SLCO1B3: variants seen among roughly 807,000 people sequenced by gnomAD.
SLCO1B3 encodes liver-specific organic anion transporter 2.
A neutral mutation model predicts 71.8 loss-of-function variants in SLCO1B3; 72 were observed. That is an observed-to-expected ratio of 1.00 (90% CI 0.83 to 1.22). SLCO1B3 has a LOEUF of 1.22. SLCO1B3 is among the 50% of genes most tolerant of loss of function. The pLI is 0.00. For synonymous variants in SLCO1B3, 298 were observed against 278.4 expected (o/e 1.07, Z -0.70); for missense variants, 911 against 819.7 (o/e 1.11, Z -1.36).
chr12:20,899,735 C>CAA (rs1231371448), intron 14 of SLCO1B3, among the ~76,000 whole-genome samples: 2 of 152,094 alleles, frequency 1.3e-5, no homozygotes, highest in Non-Finnish European at 2.9e-5. Flanking sequence ...GTTAGGACTC[C>CAA]TTCTGATATG....
chr12:20,912,969 G>A (rs1340218089), intron 15 of SLCO1B3, among the ~76,000 whole-genome samples: 2 of 152,062 alleles, frequency 1.3e-5, no homozygotes, highest in East Asian at 1.9e-4. Flanking sequence ...GAGCCACCAC[G>A]CCTGGCCTTA....
At chr12:20,835,586 C>T (rs1234404534) in intron 3 of SLCO1B3, among the ~76,000 whole-genome samples, 1 of 152,170 alleles carries the variant, frequency 6.6e-6, no homozygotes, top group African/African-American at 2.4e-5. Flanking sequence ...ATCACATTTG[C>T]TCTAGTTCCC....
intron 15 of SLCO1B3, among the ~76,000 whole-genome samples, chr12:20,915,723 A>T (rs369093842): frequency 6.6e-6 from 1 of 152,298 alleles, no homozygotes; most frequent in African/African-American, 2.4e-5. Context: ...CTCCTTAGGT[A>T]GAATGAGATG....
chr12:20,895,777 T>A (rs1246952930), intron 13 of SLCO1B3, among the ~76,000 whole-genome samples: 2 of 152,198 alleles, frequency 1.3e-5, no homozygotes, highest in African/African-American at 4.8e-5. Context: ...GTGTGATGGC[T>A]TTGACCTGAC....
chr12:20,861,493 A>G (rs911869206), intron 6 of SLCO1B3, among the ~76,000 whole-genome samples: 1 of 152,200 alleles, frequency 6.6e-6, no homozygotes, highest in South Asian at 2.1e-4. Flanking sequence ...CTCCTAGTGT[A>G]CAAATGGATT....
intron 3 of SLCO1B3, among the ~76,000 whole-genome samples, chr12:20,842,622 C>G (rs536980954): frequency 6.6e-6 from 1 of 152,144 alleles, no homozygotes; most frequent in African/African-American, 2.4e-5. Flanking sequence ...TGAAAAATCT[C>G]TGCCTTTAAA....
chr12:20,881,109 A>C (rs1349980870), intron 12 of SLCO1B3, 89 bp downstream of exon 12: 2 of 927,334 alleles, frequency 2.2e-6, no homozygotes, highest in Non-Finnish European at 3.2e-6. Flanking sequence ...CCTATAACTA[A>C]GGTCTCCAAT....
rs180930149 is a variant in SLCO1B3 at position 20,902,301 on chromosome 12, C to T, written c.1865+834C>T. ...TTCCCACTAGTAGTGTATAAGCGTT[C>T]CCTTTTCTCCACTATGTCTTCAGTA... On this transcript the variant is annotated intron_variant, in intron 15 of 15. Coordinates refer to ENST00000381545, the MANE Select transcript of SLCO1B3 (RefSeq NM_019844.4). The T allele has an allele frequency of 2.4e-3, 362 of 153,600 alleles. 17 individuals are homozygous for T. The highest frequency in any genetic ancestry group is 2.8e-3 in the Non-Finnish European group (191 of 69,072). 9.5% of individuals were successfully genotyped at this position (153,600 alleles called of 1,614,324 possible).
At chr12:20,835,347 T>G (rs1864656881) in intron 3 of SLCO1B3, among the ~76,000 whole-genome samples, 1 of 152,198 alleles carries the variant, frequency 6.6e-6, no homozygotes, top group Admixed American at 6.5e-5. Context: ...CTTACTCAAA[T>G]TTCTGCTGCC....
chr12:20,879,722 A>T, intron 11 of SLCO1B3, 91 bp downstream of exon 11: 2 of 827,768 alleles, frequency 2.4e-6, no homozygotes, highest in East Asian at 6.0e-5. Context: ...AAACAATTGT[A>T]ATTAAACTTT....
At chr12:20,879,675 CA>C in intron 11 of SLCO1B3, 44 bp downstream of exon 11, 1 of 1,255,752 alleles carries the variant, frequency 8.0e-7, no homozygotes, top group Non-Finnish European at 1.1e-6. Context: ...TGTTAACCAT[CA>C]AATTAAAAGA....
In SLCO1B3 at chr12:20,839,198, T is replaced by C. The variant is rs772061117; in HGVS notation, c.85-15830T>C. 7.0e-4 allele frequency among the ~76,000 whole-genome samples: 107 copies of C among 151,800 alleles called. 2 individuals carry two copies. The highest frequency in any genetic ancestry group is 1.5e-4 in the Non-Finnish European group (10 of 67,914). ...ATTATTTTGAATAACTGTTATTTCT[T>C]AGATCAATTAAGAATTAAAAAAAAC... On this transcript the variant is annotated intron_variant, in intron 3 of 15. Transcript: ENST00000381545.
intron 8 of SLCO1B3, 66 bp downstream of exon 8, chr12:20,862,920 G>A: frequency 2.4e-6 from 2 of 828,504 alleles, no homozygotes; most frequent in Non-Finnish European, 3.9e-6. Context: ...TTCTTCCAAA[G>A]AATTAAATTC....
intron 13 of SLCO1B3, among the ~76,000 whole-genome samples, chr12:20,885,029 C>G (rs1865766761): frequency 2.6e-5 from 4 of 152,076 alleles, no homozygotes; most frequent in African/African-American, 4.8e-5. Flanking sequence ...GTTTGCCTCT[C>G]AACATGTTTT....
At chr12:20,866,781 C>G (rs768251132) in intron 8 of SLCO1B3, among the ~76,000 whole-genome samples, 1 of 151,960 alleles carries the variant, frequency 6.6e-6, no homozygotes, top group African/African-American at 2.4e-5. Flanking sequence ...TAAGTGAGTA[C>G]CAGTATTTAA....
chr12:20,819,516 G>A (rs1864252888), intron 3 of SLCO1B3, among the ~76,000 whole-genome samples: 1 of 152,106 alleles, frequency 6.6e-6, no homozygotes, highest in African/African-American at 2.4e-5. Context: ...ACAGAATAAT[G>A]GATTGTGGAG....
At chr12:20,907,009 C>T (rs1162284777) in intron 15 of SLCO1B3, among the ~76,000 whole-genome samples, 1 of 151,868 alleles carries the variant, frequency 6.6e-6, no homozygotes, top group Non-Finnish European at 1.5e-5. Flanking sequence ...AATGAATATT[C>T]TGAGTTCTTA....
In SLCO1B3 at chr12:20,821,836, G is replaced by A. The variant is rs374765752; in HGVS notation, c.84+6014G>A. 1.1e-3 allele frequency among the ~76,000 whole-genome samples: 163 copies of A among 152,328 alleles called. 4 individuals carry two copies. In the South Asian group the frequency reaches 0.033, roughly 31 times the overall value. Reference sequence around the variant, plus strand: ...ATCCCTGCAATGATTAAACACCAAGGGAAGGCTGCCTTCCCAGTCCGTGAC... The same window carrying A: ...ATCCCTGCAATGATTAAACACCAAGAGAAGGCTGCCTTCCCAGTCCGTGAC... On this transcript the variant is annotated intron_variant, in intron 3 of 15. Coordinates refer to ENST00000381545, the MANE Select transcript of SLCO1B3 (RefSeq NM_019844.4).
At chr12:20,882,123 T>C (rs4149148) in intron 12 of SLCO1B3, among the ~76,000 whole-genome samples, 109,675 of 151,576 alleles carry the variant, frequency 0.72, 42,248 homozygotes, top group South Asian at 0.9. Flanking sequence ...TGTTGTCCAG[T>C]AGTGAAGACC....
Sources: allele counts gnomAD v4.1 joint callset (sites outside exome capture counted in the v4.1 genomes callset), GRCh38; gene constraint gnomAD v4.1.1; transcripts MANE v1.5; gene names NCBI Gene and HGNC (gene_info 2026-07-23, HGNC 2026-07-21).